The following GRB2 variants were observed in gnomAD, a reference collection of about 807,000 sequenced individuals.
GRB2 encodes the protein growth factor receptor bound protein 2.
A neutral mutation model predicts 27.4 loss-of-function variants in GRB2; 2 were observed. The ratio of observed to expected loss-of-function variants is 0.07; its 90% CI spans 0.03 to 0.23. The LOEUF (loss-of-function observed/expected upper bound fraction) is 0.23, where lower values mean the gene tolerates loss of function less well. Among genes scored for constraint, GRB2 ranks in the 10% least tolerant of loss-of-function variants. The pLI is 1.00. For synonymous variants in GRB2, 94 were observed against 99.6 expected (o/e 0.94, Z 0.33); for missense variants, 102 against 282.4 (o/e 0.36, Z 4.58).
intron 2 of GRB2, among the ~76,000 whole-genome samples, chr17:75,346,338 T>C (rs2078654794): frequency 6.6e-6 from 1 of 151,560 alleles, no homozygotes; most frequent in African/African-American, 2.4e-5. Context: ...TACTACAAAA[T>C]ACAAAAAATT....
chr17:75,324,640 C>T (rs577191311), intron 4 of GRB2, among the ~76,000 whole-genome samples: 2 of 151,478 alleles, frequency 1.3e-5, no homozygotes, highest in South Asian at 4.2e-4. Context: ...GCCTCAGCCT[C>T]CCAAGTAGCT....
Position 75,380,715 on chromosome 17 carries a change from TA to T in GRB2, c.78+12835del, listed in dbSNP as rs2078922758. Among the ~76,000 whole-genome samples the T allele has an allele frequency of 2.0e-5, 3 of 152,340 alleles. No homozygotes were observed. In the South Asian group the frequency reaches 6.2e-4, roughly 32 times the overall value. On this transcript the variant is annotated intron_variant, in intron 2 of 5. Coordinates refer to ENST00000316804, the MANE Select transcript of GRB2 (RefSeq NM_002086.5). The stretch of plus-strand genomic sequence containing the variant: ...ATATTTCTCTATCATAATCACTTAT[TA>T]ATTTAACCTGACAAAGCTATAAAAA...
intron 3 of GRB2, among the ~76,000 whole-genome samples, chr17:75,329,347 C>T (rs1237557166): frequency 6.6e-6 from 1 of 152,144 alleles, no homozygotes; most frequent in African/African-American, 2.4e-5. Context: ...ATGCTTCCCT[C>T]AAACTCCCCA....
At chr17:75,345,549 C>A (rs1053254143) in intron 2 of GRB2, among the ~76,000 whole-genome samples, 5 of 152,170 alleles carry the variant, frequency 3.3e-5, no homozygotes, top group African/African-American at 9.7e-5. Context: ...GGTCCTCCCA[C>A]CAGGACACCG....
chr17:75,380,068 C>A (rs1335175029), intron 2 of GRB2, among the ~76,000 whole-genome samples: 2 of 152,154 alleles, frequency 1.3e-5, no homozygotes, highest in African/African-American at 2.4e-5. Flanking sequence ...GAGAAAACAG[C>A]TGAACATGTC....
chr17:75,380,841 C>T (rs1010706774), intron 2 of GRB2, among the ~76,000 whole-genome samples: 1 of 152,202 alleles, frequency 6.6e-6, no homozygotes, highest in African/African-American at 2.4e-5. Context: ...TTAATCATCT[C>T]AGAAATCTGG....
At chr17:75,393,891 T>A in intron 1 of GRB2, 126 bp from the exon 2 acceptor site, 1 of 417,654 alleles carries the variant, frequency 2.4e-6, no homozygotes, top group Non-Finnish European at 4.0e-6. Flanking sequence ...CCTCCCTCCC[T>A]TCCAGGCAAC....
intron 2 of GRB2, among the ~76,000 whole-genome samples, chr17:75,369,797 C>T (rs2078844087): frequency 6.6e-6 from 1 of 151,208 alleles, no homozygotes; most frequent in Non-Finnish European, 1.5e-5. Context: ...GAGGCAGAGG[C>T]TGCAGTGAGC....
At chr17:75,340,639 C>T (rs528146433) in intron 2 of GRB2, among the ~76,000 whole-genome samples, 13 of 152,248 alleles carry the variant, frequency 8.5e-5, no homozygotes, top group Non-Finnish European at 1.3e-4. Flanking sequence ...TGCCTGATTA[C>T]GTATTTTATT....
chr17:75,390,405 A>T lies in GRB2; in HGVS notation c.78+3146T>A, dbSNP rs571315227. On this transcript the variant is annotated intron_variant, in intron 2 of 5. Coordinates refer to ENST00000316804, the MANE Select transcript of GRB2 (RefSeq NM_002086.5). ...GACTATTTAGGGGTCTTGTCAGTGG[A>T]GAACCTCTGGGACTGTCTCAAGCCT... Among the ~76,000 whole-genome samples, 6 of 152,294 alleles carry T rather than the reference A, an allele frequency of 3.9e-5. No homozygotes were observed. In the South Asian group the frequency reaches 1.0e-3, roughly 26 times the overall value.
chr17:75,352,944 G>A (rs1377236903), intron 2 of GRB2, among the ~76,000 whole-genome samples: 1 of 150,578 alleles, frequency 6.6e-6, no homozygotes, highest in Non-Finnish European at 1.5e-5. Context: ...CCAGCACTTT[G>A]GGAGGCCGAG....
At chr17:75,378,680 T>C (rs1263231961) in intron 2 of GRB2, among the ~76,000 whole-genome samples, 2 of 152,248 alleles carry the variant, frequency 1.3e-5, no homozygotes, top group Non-Finnish European at 2.9e-5. Context: ...GACAGGCCTC[T>C]GAGCAGATAC....
chr17:75,337,904 T>TAC (rs758924250), intron 2 of GRB2, among the ~76,000 whole-genome samples: 4,699 of 103,056 alleles, frequency 0.046, 126 homozygotes, highest in East Asian at 0.13. Flanking sequence ...ACTACTACTA[T>TAC]TATTATTATT....
chr17:75,366,062 G>C (rs1001456211), intron 2 of GRB2, among the ~76,000 whole-genome samples: 4 of 152,064 alleles, frequency 2.6e-5, no homozygotes, highest in African/African-American at 9.7e-5. Flanking sequence ...AGGCAGAAAG[G>C]AAACACCCTA....
chr17:75,388,459 T>C (rs924474925), intron 2 of GRB2, among the ~76,000 whole-genome samples: 2 of 151,772 alleles, frequency 1.3e-5, no homozygotes, highest in African/African-American at 2.4e-5. Context: ...GTCAACAAGA[T>C]TGATAAGAAT....
At chr17:75,374,187 T>TGG in intron 2 of GRB2, among the ~76,000 whole-genome samples, 8 of 151,120 alleles carry the variant, frequency 5.3e-5, no homozygotes, top group African/African-American at 1.7e-4. Flanking sequence ...AGGCGGATCA[T>TGG]CTGAGGTCAG....
At chr17:75,352,480 GA>G (rs2078698890) in intron 2 of GRB2, among the ~76,000 whole-genome samples, 1 of 151,832 alleles carries the variant, frequency 6.6e-6, no homozygotes, top group African/African-American at 2.4e-5. Flanking sequence ...GTGCTTAAAG[GA>G]GAAATGTGTG....
chr17:75,369,086 A>G (rs1410093590), intron 2 of GRB2, among the ~76,000 whole-genome samples: 1 of 152,242 alleles, frequency 6.6e-6, no homozygotes. Flanking sequence ...TGGCACAGCC[A>G]AAGTTTGAAC....
intron 2 of GRB2, among the ~76,000 whole-genome samples, chr17:75,375,099 G>A (rs73358264): frequency 6.6e-6 from 1 of 151,780 alleles, no homozygotes; most frequent in East Asian, 1.9e-4. Flanking sequence ...TAGACGGGGG[G>A]GTCTCACTGT....
Sources: gnomAD v4.1 joint callset for allele counts (sites outside exome capture counted in the v4.1 genomes callset) on GRCh38, gnomAD v4.1.1 for gene constraint, MANE v1.5 for transcripts, NCBI Gene and HGNC (gene_info 2026-07-23, HGNC 2026-07-21) for gene names.